DENR: variants seen among roughly 807,000 people sequenced by gnomAD.
DENR encodes the protein density regulated re-initiation and release factor, also known as density-regulated protein.
In DENR, 6 loss-of-function variants were observed where a neutral mutation model predicts 30.6. The observed-to-expected ratio is 0.20, with a 90% CI of 0.11 to 0.39. The LOEUF (loss-of-function observed/expected upper bound fraction) is 0.39, where lower values mean the gene tolerates loss of function less well. DENR is among the 10% of genes least tolerant of loss of function. The pLI is 1.00. For synonymous variants in DENR, 78 were observed against 72.1 expected, an observed-to-expected ratio of 1.08 and a Z score of -0.41; for missense variants, 141 against 230.9, an observed-to-expected ratio of 0.61 and a Z score of 2.52.
At chr12:122,767,674 G>C (rs775758609) in intron 6 of DENR, 70 bp downstream of exon 6, 43 of 839,952 alleles carry the variant, frequency 5.1e-5, no homozygotes, top group African/African-American at 1.6e-4. Context: ...CTATCTCTCT[G>C]TCTCTCTCTC....
chr12:122,769,197 T>C lies in DENR; in HGVS notation c.*119T>C, dbSNP rs990342980. 1 of 991,220 alleles carries C rather than the reference T, an allele frequency of 1.0e-6. No individual in the cohort carries two copies. The highest frequency in any genetic ancestry group is 1.3e-6 in the Non-Finnish European group (1 of 760,932). 61.4% of individuals were successfully genotyped at this position (991,220 alleles called of 1,614,324 possible). On this transcript the variant is annotated 3_prime_UTR_variant, in exon 8 of 8. Transcript: ENST00000280557. ...ATATATGTATATATACACATATATG[T>C]ATGTATACACATATACACATGTATA... is the stretch of plus-strand genomic sequence containing the variant.
chr12:122,765,277 G>C, intron 4 of DENR, 27 bp from the exon 5 acceptor site: 3 of 1,525,728 alleles, frequency 2.0e-6, no homozygotes, highest in Non-Finnish European at 2.7e-6. Context: ...TGATGTTCAT[G>C]CTTTTGTATT....
In DENR at chr12:122,761,448, G is replaced by A. The variant is rs546360775; in HGVS notation, c.107-739G>A. On this transcript the variant is annotated intron_variant, in intron 2 of 7. Transcript: ENST00000280557. ...AAGGAAAAATATATTGCAAAAAGAT[G>A]GTAGTAAAAATGCTGCTAAAGTTTA... 1.7e-4 allele frequency among the ~76,000 whole-genome samples: 26 copies of A among 152,116 alleles called. 1 individual carries two copies. Among genetic ancestry groups the A allele is most frequent in the African/African-American group, 6.3e-4 (26 of 41,526 alleles).
rs148388246 is a variant in DENR at position 122,771,023 on chromosome 12, T to A, written c.*1945T>A. On this transcript the variant is annotated 3_prime_UTR_variant, in exon 8 of 8. Coordinates refer to ENST00000280557, the MANE Select transcript of DENR (RefSeq NM_003677.5). ...TCCATAGATAGCCAGCAGTGGATGT[T>A]ACTCCAGGAAAATGCAGGATTAAAA... The A allele has an allele frequency of 4.4e-5, 14 of 318,330 alleles. No individual in the cohort carries two copies. The highest frequency in any genetic ancestry group is 7.9e-5 in the Non-Finnish European group (14 of 176,428). 19.7% of individuals were successfully genotyped at this position (318,330 alleles called of 1,614,324 possible). A position where few individuals can be genotyped will look rare whatever the true frequency, so the allele number is the denominator to read the frequency against.
intron 2 of DENR, 129 bp downstream of exon 2, chr12:122,753,936 T>C: frequency 1.3e-6 from 1 of 775,642 alleles, no homozygotes; most frequent in Admixed American, 2.1e-5. Context: ...GGGAGAGGAG[T>C]CCTGGGGAGG....
intron 5 of DENR, 119 bp downstream of exon 5, chr12:122,765,506 T>G (rs550015244): frequency 1.6e-5 from 13 of 818,356 alleles, no homozygotes; most frequent in East Asian, 2.7e-5. Context: ...AGTCACAGCT[T>G]CTTAGGGGGC....
chr12:122,763,827 C>G (rs1256315602), intron 4 of DENR, among the ~76,000 whole-genome samples: 1 of 152,186 alleles, frequency 6.6e-6, no homozygotes, highest in Admixed American at 6.5e-5. Flanking sequence ...ATTTCCTACT[C>G]TTGTGGCAAT....
At chr12:122,755,292 C>T (rs1479769621) in intron 2 of DENR, among the ~76,000 whole-genome samples, 1 of 152,144 alleles carries the variant, frequency 6.6e-6, no homozygotes, top group African/African-American at 2.4e-5. Flanking sequence ...TGAATTAAAA[C>T]TAAGGGGCCG....
rs57658848 is a variant in DENR, at chr12:122,769,250, A to ATACATATATACATACACATATATG, written c.*174_*175insCATATATACATACACATATATGTA. The ATACATATATACATACACATATATG allele has an allele frequency of 1.5e-6, 1 of 651,582 alleles. No individual in the cohort carries two copies. Among genetic ancestry groups the ATACATATATACATACACATATATG allele is most frequent in the African/African-American group, 7.1e-5 (1 of 14,114 alleles). The allele number at this position is 651,582 out of a possible 1,614,324, so 40.4% of individuals were successfully genotyped here. Reference sequence around the variant, plus strand: ...TACATGTGTGTATGTATACATGTATATATATATACATACACATATATGTAT... The same window carrying ATACATATATACATACACATATATG: ...TACATGTGTGTATGTATACATGTATATACATATATACATACACATATATGTATATATACATACACATATATGTAT... On this transcript the variant is annotated 3_prime_UTR_variant, in exon 8 of 8. Coordinates refer to ENST00000280557, the MANE Select transcript of DENR (RefSeq NM_003677.5).
chr12:122,765,087 A>G (rs933956054), intron 4 of DENR, among the ~76,000 whole-genome samples: 3 of 152,186 alleles, frequency 2.0e-5, no homozygotes, highest in African/African-American at 7.2e-5. Flanking sequence ...ACATATCAAA[A>G]GACTGGGTTT....
intron 2 of DENR, among the ~76,000 whole-genome samples, chr12:122,756,471 A>G (rs1217277767): frequency 1.3e-5 from 2 of 152,188 alleles, no homozygotes; most frequent in Admixed American, 1.3e-4. Context: ...GAGACAAGAA[A>G]TAAAGATTAA....
rs1878617172 is a variant in DENR, at chr12:122,758,797, G to A, written c.107-3390G>A. Among the ~76,000 whole-genome samples the A allele has an allele frequency of 3.3e-5, 5 of 151,302 alleles. No homozygotes were observed. In the South Asian group the frequency reaches 1.0e-3, roughly 32 times the overall value. ...ATAGCCTGGGTGACAAAGTGAGACT[G>A]TCTCTTTAACAAAAAAAAAGAAGCT... On this transcript the variant is annotated intron_variant, in intron 2 of 7. Transcript: ENST00000280557.
Position 122,762,225 on chromosome 12 carries a change from T to TC in DENR, c.126+19_126+20insC. 1 of 1,390,348 alleles carries TC rather than the reference T, an allele frequency of 7.2e-7. No homozygotes were observed. The highest frequency in any genetic ancestry group is 9.8e-7 in the Non-Finnish European group (1 of 1,021,988). 86.1% of individuals were successfully genotyped at this position (1,390,348 alleles called of 1,614,324 possible). A position where few individuals can be genotyped will look rare whatever the true frequency, so the allele number is the denominator to read the frequency against. The stretch of plus-strand genomic sequence containing the variant: ...AACAGAGGTAAGTTCTTTAATTTTT[T>TC]TTTTTACCTTATGTATTTGAAGTTA... On this transcript the variant is annotated intron_variant, in intron 3 of 7. Transcript: ENST00000280557.
At chr12:122,755,997 A>C (rs1203922401) in intron 2 of DENR, among the ~76,000 whole-genome samples, 4 of 152,246 alleles carry the variant, frequency 2.6e-5, no homozygotes, top group Non-Finnish European at 5.9e-5. Context: ...TAGAGTCCAC[A>C]TCATAATCAA....
chr12:122,760,758 G>T (rs1388767861), intron 2 of DENR, among the ~76,000 whole-genome samples: 1 of 151,968 alleles, frequency 6.6e-6, no homozygotes, highest in Admixed American at 6.6e-5. Context: ...AACAAAATAA[G>T]CAGTTGACCC....
At position 122,770,212 on chromosome 12, in the gene DENR, T is replaced by G. The variant is rs1041293047; in HGVS notation, c.*1134T>G. 6.4e-6 allele frequency: 1 copy of G among 155,866 alleles called. No individual in the cohort carries two copies. The highest frequency in any genetic ancestry group is 2.4e-5 in the African/African-American group (1 of 41,718). The allele number at this position is 155,866 out of a possible 1,614,324, so 9.7% of individuals were successfully genotyped here. On this transcript the variant is annotated 3_prime_UTR_variant, in exon 8 of 8. Coordinates refer to ENST00000280557, the MANE Select transcript of DENR (RefSeq NM_003677.5). ...AGAAATAATCAGCCTTGCATAAAACTTATGGATGAAAGTATTCATCACAAT... is the reference window on the plus strand; with the variant it reads ...AGAAATAATCAGCCTTGCATAAAACGTATGGATGAAAGTATTCATCACAAT...
intron 4 of DENR, 198 bp downstream of exon 4, chr12:122,763,127 C>A: frequency 2.1e-6 from 1 of 469,284 alleles, no homozygotes; most frequent in Non-Finnish European, 3.8e-6. Context: ...ATGGGCCGGG[C>A]GCAGTGGCTC....
At chr12:122,756,742 T>C (rs1459827226) in intron 2 of DENR, among the ~76,000 whole-genome samples, 5 of 152,180 alleles carry the variant, frequency 3.3e-5, no homozygotes, top group African/African-American at 7.2e-5. Context: ...CCGGAAATTA[T>C]GGCAACGTGG....
intron 5 of DENR, among the ~76,000 whole-genome samples, chr12:122,766,609 T>A (rs892443445): frequency 2.0e-5 from 3 of 152,152 alleles, no homozygotes; most frequent in African/African-American, 7.2e-5. Context: ...GAGTCTCGAG[T>A]CTCAAGTCCC....
Sources: gnomAD v4.1 joint callset for allele counts (sites outside exome capture counted in the v4.1 genomes callset) on GRCh38, gnomAD v4.1.1 for gene constraint, MANE v1.5 for transcripts, NCBI Gene and HGNC (gene_info 2026-07-23, HGNC 2026-07-21) for gene names.